PRKDC: variants seen among roughly 807,000 people sequenced by gnomAD.
PRKDC encodes the protein DNA-dependent protein kinase catalytic subunit.
PRKDC carries 82 observed loss-of-function variants against 486.9 expected under a neutral mutation model. The ratio of observed to expected loss-of-function variants is 0.17; its 90% CI spans 0.14 to 0.20. The LOEUF is 0.20. PRKDC is among the 10% of genes least tolerant of loss of function. The probability of loss-of-function intolerance (pLI) is 1.00; values close to 1 mark genes in which losing one functional copy is unlikely to be tolerated. For missense variants in PRKDC, 4,504 were observed against 5,038.2 expected, an observed-to-expected ratio of 0.89 and a Z score of 3.21; for synonymous variants, 1,895 against 1,837.0, an observed-to-expected ratio of 1.03 and a Z score of -0.81.
chr8:47,775,208 TAAA>T lies in PRKDC; in HGVS notation c.12183-834_12183-832del, dbSNP rs202147639. ...TCTCAAAAATAAATAAATAAATAAA[TAAA>T]TAAATTAATTAATTAATAGCCATCC... On this transcript the variant is annotated intron_variant, in intron 85 of 85. Transcript: ENST00000314191. Among the ~76,000 whole-genome samples the T allele has an allele frequency of 3.1e-3, 466 of 150,978 alleles. 2 individuals are homozygous for T. The highest frequency in any genetic ancestry group is 0.01 in the African/African-American group (429 of 41,030).
At chr8:47,881,632 G>T in intron 37 of PRKDC, 112 bp from the exon 38 acceptor site, 2 of 659,984 alleles carry the variant, frequency 3.0e-6, no homozygotes, top group Non-Finnish European at 2.5e-6. Flanking sequence ...TTAATTTTGG[G>T]CTTCAATAAT....
chr8:47,944,079 T>C (rs368986967), intron 7 of PRKDC, 50 bp from the exon 8 acceptor site: 1 of 1,425,924 alleles, frequency 7.0e-7, no homozygotes, highest in East Asian at 2.5e-5. Flanking sequence ...CAGTATCACA[T>C]AACACACTTT....
intron 4 of PRKDC, 93 bp from the exon 5 acceptor site, chr8:47,954,539 C>G (rs529398028): frequency 1.1e-4 from 49 of 452,882 alleles, no homozygotes; most frequent in Non-Finnish European, 1.7e-4. Flanking sequence ...AGGGAAATAA[C>G]GGGATTCCTC....
intron 64 of PRKDC, among the ~76,000 whole-genome samples, chr8:47,823,296 G>C (rs552598075): frequency 6.6e-6 from 1 of 152,138 alleles, no homozygotes; most frequent in South Asian, 2.1e-4. Flanking sequence ...TCCAGCCTGG[G>C]TGACAGAATG....
At chr8:47,788,662 G>A (rs564959688) in intron 76 of PRKDC, among the ~76,000 whole-genome samples, 2 of 152,158 alleles carry the variant, frequency 1.3e-5, no homozygotes, top group Non-Finnish European at 2.9e-5. Context: ...AAAAATCTGA[G>A]CATGAACAAC....
intron 25 of PRKDC, among the ~76,000 whole-genome samples, chr8:47,908,871 AT>A (rs2154502645): frequency 6.6e-6 from 1 of 152,210 alleles, no homozygotes; most frequent in South Asian, 2.1e-4. Flanking sequence ...TCTAAATCTT[AT>A]TGATTTACAG....
chr8:47,915,292 T>C (rs1183993071), intron 23 of PRKDC, 36 bp downstream of exon 23: 4 of 1,232,730 alleles, frequency 3.2e-6, no homozygotes. Context: ...AGCACAAATA[T>C]ATCTACAGAG....
chr8:47,925,813 T>C (rs537220484), intron 21 of PRKDC, among the ~76,000 whole-genome samples: 2 of 152,182 alleles, frequency 1.3e-5, no homozygotes, highest in South Asian at 4.1e-4. Context: ...ACAACATAAA[T>C]GGTACAAAAT....
At chr8:47,867,601 G>T (rs190575795) in intron 40 of PRKDC, among the ~76,000 whole-genome samples, 1 of 152,230 alleles carries the variant, frequency 6.6e-6, no homozygotes, top group African/African-American at 2.4e-5. Flanking sequence ...TGTGCATATT[G>T]TAAAGCCATT....
intron 50 of PRKDC, 58 bp downstream of exon 50, chr8:47,855,164 G>T: frequency 1.4e-6 from 2 of 1,402,066 alleles, no homozygotes; most frequent in East Asian, 2.5e-5. Flanking sequence ...CATCATTTAC[G>T]ACACACTACA....
chr8:47,847,859 T>A (rs1334631725), intron 54 of PRKDC, among the ~76,000 whole-genome samples: 1 of 146,466 alleles, frequency 6.8e-6, no homozygotes, highest in African/African-American at 2.6e-5. Flanking sequence ...TCAAAAGACA[T>A]AAAAGCGGCC....
intron 40 of PRKDC, among the ~76,000 whole-genome samples, chr8:47,874,834 C>T (rs1023947217): frequency 6.6e-6 from 1 of 151,052 alleles, no homozygotes; most frequent in African/African-American, 2.4e-5. Flanking sequence ...GCAGGCAGAT[C>T]GCTTGAGCCC....
At chr8:47,779,153 A>C in intron 80 of PRKDC, 60 bp from the exon 81 acceptor site, 1 of 1,237,916 alleles carries the variant, frequency 8.1e-7, no homozygotes. Context: ...GTGATTTCAA[A>C]GGCAAAGATC....
At chr8:47,811,047 C>G (rs750612054) in intron 68 of PRKDC, among the ~76,000 whole-genome samples, 3 of 152,172 alleles carry the variant, frequency 2.0e-5, no homozygotes, top group Non-Finnish European at 2.9e-5. Flanking sequence ...CTCCCCAAAT[C>G]TGGTGACAAA....
At chr8:47,912,346 C>T in intron 25 of PRKDC, 64 bp downstream of exon 25, 1 of 1,437,702 alleles carries the variant, frequency 7.0e-7, no homozygotes, top group South Asian at 1.6e-5. Flanking sequence ...GCTCTGCTGA[C>T]CACTGAATTA....
At chr8:47,904,009 A>G (rs2089729114) in intron 26 of PRKDC, among the ~76,000 whole-genome samples, 1 of 152,168 alleles carries the variant, frequency 6.6e-6, no homozygotes, top group Admixed American at 6.5e-5. Flanking sequence ...CAGCAGCATA[A>G]CCAGGGCTGT....
Position 47,821,601 on chromosome 8 carries a change from C to T in PRKDC, c.9111+3G>A. On this transcript the variant is annotated splice_donor_region_variant and intron_variant, in intron 65 of 85. Coordinates refer to ENST00000314191, the MANE Select transcript of PRKDC (RefSeq NM_006904.7). Reference sequence around the variant, plus strand: ...TTCAATCACTTAAAATAATTTTACCCACCTGATAAAATGGTTCACTCCAGA... The same window carrying T: ...TTCAATCACTTAAAATAATTTTACCTACCTGATAAAATGGTTCACTCCAGA... 1 of 1,586,596 alleles carries T rather than the reference C, an allele frequency of 6.3e-7. No homozygotes were observed. Among genetic ancestry groups the T allele is most frequent in the Non-Finnish European group, 8.6e-7 (1 of 1,163,906 alleles).
Position 47,817,513 on chromosome 8 carries a change from G to A in PRKDC, c.9494C>T (p.Thr3165Ile). The change falls in exon 68 of 86, where the codon ACA (threonine) becomes ATA (isoleucine). Residue 3165 changes from threonine to isoleucine, a missense_variant. By Grantham distance (89) the Thr-to-Ile change is moderately conservative. Around this residue, in one of 6 missense-constraint regions of PRKDC, gnomAD observed 1,592 missense variants for 1,724.6 expected, o/e 0.92. Coordinates refer to ENST00000314191, the MANE Select transcript of PRKDC (RefSeq NM_006904.7). ...VPLKRLLNTW[T>I]NRYPDAKMDP... The stretch of plus-strand genomic sequence containing the variant: ...CATTTTAGCATCTGGATATCTGTTT[G>A]TCCAGGTGTTCAGAAGTCTCTTAAG... 4.4e-6 allele frequency: 7 copies of A among 1,607,720 alleles called. No individual in the cohort carries two copies. Among genetic ancestry groups the A allele is most frequent in the Non-Finnish European group, 5.9e-6 (7 of 1,176,714 alleles).
rs1589750165 is a variant in PRKDC at position 47,862,100 on chromosome 8, C to T, written c.5947G>A (p.Asp1983Asn). 12 of 1,550,602 alleles carry T rather than the reference C, an allele frequency of 7.7e-6. No homozygotes were observed. The highest frequency in any genetic ancestry group is 1.0e-5 in the Non-Finnish European group (12 of 1,145,384). Residue 1983 changes from aspartate to asparagine, a missense_variant, in exon 44 of 86, where the codon GAC becomes AAC. Asp to Asn is a conservative substitution (Grantham distance 23). Coordinates refer to ENST00000314191, the MANE Select transcript of PRKDC (RefSeq NM_006904.7). ...KNLLIFENLIDLKRRYNFPVE... is the reference protein window; with the variant it reads ...KNLLIFENLINLKRRYNFPVE... ...GGAAAATTATAGCGGCGCTTCAGGT[C>T]GATCAGATTTTCAAAAATAAGCAAG...
Sources: allele counts gnomAD v4.1 joint callset (sites outside exome capture counted in the v4.1 genomes callset), GRCh38; gene constraint gnomAD v4.1.1; regional missense constraint gnomAD v4.1.1; transcripts MANE v1.5; gene names NCBI Gene and HGNC (gene_info 2026-07-23, HGNC 2026-07-21).